PSMD6: variants seen among roughly 807,000 people sequenced by gnomAD.
The protein encoded by PSMD6 is 26S proteasome non-ATPase regulatory subunit 6.
Under a neutral mutation model 44.9 loss-of-function variants are expected in PSMD6, and 7 were observed. The observed-to-expected ratio is 0.16, with a 90% confidence interval of 0.09 to 0.29. The LOEUF (loss-of-function observed/expected upper bound fraction) is 0.29. Among genes scored for constraint, PSMD6 ranks in the 10% least tolerant of loss-of-function variants. The pLI is 1.00. For synonymous variants in PSMD6, 184 were observed against 172.7 expected, an observed-to-expected ratio of 1.07 and a Z score of -0.51; for missense variants, 420 against 482.6, an observed-to-expected ratio of 0.87 and a Z score of 1.21.
At chr3:64,023,042 T>G in intron 1 of PSMD6, 1 of 1,427,432 alleles carries the variant, frequency 7.0e-7, no homozygotes, top group Non-Finnish European at 9.1e-7. Context: ...TCCCCCAAGC[T>G]GCCCTTACAG....
chr3:64,015,234 G>C (rs1047298381), intron 5 of PSMD6: 1 of 152,226 alleles, frequency 6.6e-6, no homozygotes, highest in Admixed American at 6.5e-5. Flanking sequence ...AGTATAAATT[G>C]TGTAAATGTA....
chr3:64,023,664 G>C, upstream of PSMD6: 1 of 1,468,444 alleles, frequency 6.8e-7, no homozygotes, highest in Non-Finnish European at 9.0e-7. Context: ...CAGAGTGGGT[G>C]CAGCCCAACT....
At chr3:64,021,284 T>G (rs1325982657) in intron 2 of PSMD6, among the ~76,000 whole-genome samples, 1 of 152,266 alleles carries the variant, frequency 6.6e-6, no homozygotes, top group African/African-American at 2.4e-5. Flanking sequence ...AGTGGAACAT[T>G]AGGCAGCAGT....
chr3:64,023,860 CG>C (rs1559680851), upstream of PSMD6: 1 of 1,457,458 alleles, frequency 6.9e-7, no homozygotes, highest in East Asian at 2.5e-5. Context: ...CTTCATGCTG[CG>C]AGGTAGTACT....
chr3:64,012,682 C>T (rs1037236205), intron 6 of PSMD6: 1 of 152,270 alleles, frequency 6.6e-6, no homozygotes, highest in African/African-American at 2.4e-5. Context: ...TCTGTTCCTA[C>T]AACATCCAAG....
At chr3:64,023,504 GC>G, upstream of PSMD6, 1 of 1,440,092 alleles carries the variant, frequency 6.9e-7, no homozygotes, top group Admixed American at 2.7e-5. Context: ...CGGCGAATAC[GC>G]CCGGCCGCCT....
intron 1 of PSMD6, 51 bp downstream of exon 1, chr3:64,023,224 C>T: frequency 2.7e-6 from 4 of 1,495,146 alleles, no homozygotes; most frequent in Non-Finnish European, 3.6e-6. Context: ...CTCCGGAACG[C>T]GGGGACGGCC....
At chr3:64,023,019 T>C (rs1052224481) in intron 1 of PSMD6, 3 of 1,420,466 alleles carry the variant, frequency 2.1e-6, no homozygotes, top group South Asian at 1.5e-5. Flanking sequence ...TAAATATTAA[T>C]GCCTCACGAT....
intron 5 of PSMD6, 187 bp downstream of exon 5, chr3:64,018,412 C>G (rs2076081095): frequency 6.0e-6 from 3 of 501,496 alleles, no homozygotes; most frequent in African/African-American, 4.0e-5. Context: ...CTGGGCCATA[C>G]AGCAGGCCAC....
chr3:64,022,849 G>A, intron 1 of PSMD6: 2 of 1,531,452 alleles, frequency 1.3e-6, no homozygotes, highest in Middle Eastern at 1.7e-4. Context: ...ACATACATAT[G>A]TTCAAACATA....
chr3:64,017,382 C>G (rs1158157479), intron 5 of PSMD6: 4 of 151,856 alleles, frequency 2.6e-5, no homozygotes, highest in African/African-American at 7.3e-5. Context: ...CTGAGGGAAG[C>G]AAGGAAGGGC....
chr3:64,010,965 A>C lies in PSMD6; in HGVS notation c.996-10T>G. The C allele has an allele frequency of 6.4e-7, 1 of 1,574,772 alleles. No individual in the cohort carries two copies. The highest frequency in any genetic ancestry group is 8.6e-7 in the Non-Finnish European group (1 of 1,156,870). On this transcript the variant is annotated splice_polypyrimidine_tract_variant and intron_variant, in intron 6 of 7. Coordinates refer to ENST00000295901, the MANE Select transcript of PSMD6 (RefSeq NM_014814.3). The stretch of plus-strand genomic sequence containing the variant: ...AAACCTGGACAGTTCCCTAATTTAG[A>C]GACAAAAAATAACAGAATTAGCTTT...
At chr3:64,011,207 T>TACTC (rs2075939540) in intron 6 of PSMD6, 1 of 327,584 alleles carries the variant, frequency 3.1e-6, no homozygotes, top group Non-Finnish European at 5.5e-6. Context: ...AAACCATATG[T>TACTC]ACTCAGAGAA....
chr3:64,021,475 T>C (rs1394206771), intron 2 of PSMD6, among the ~76,000 whole-genome samples: 1 of 152,240 alleles, frequency 6.6e-6, no homozygotes, highest in Non-Finnish European at 1.5e-5. Flanking sequence ...GGTTCTTTCA[T>C]TGAGCATTTA....
intron 5 of PSMD6, chr3:64,015,473 C>T (rs755318217): frequency 6.6e-6 from 1 of 152,160 alleles, no homozygotes; most frequent in Non-Finnish European, 1.5e-5. Context: ...ACTAGGAAGT[C>T]CTTAAGAAAG....
At chr3:64,023,152 G>A in intron 1 of PSMD6, 123 bp downstream of exon 1, 1 of 1,427,256 alleles carries the variant, frequency 7.0e-7, no homozygotes, top group South Asian at 1.5e-5. Context: ...GGAGAAGCCA[G>A]GCCTGGTCTC....
intron 6 of PSMD6, 150 bp downstream of exon 6, chr3:64,013,289 C>T (rs989928887): frequency 9.4e-5 from 66 of 701,202 alleles, no homozygotes; most frequent in Admixed American, 5.5e-4. Flanking sequence ...CAACAGGATA[C>T]GAATGTTTTG....
intron 2 of PSMD6, among the ~76,000 whole-genome samples, chr3:64,021,510 C>T (rs1031713081): frequency 5.3e-5 from 8 of 152,074 alleles, no homozygotes; most frequent in South Asian, 2.1e-4. Flanking sequence ...TAAAATTTTA[C>T]GTAAAAAAGA....
intron 1 of PSMD6, chr3:64,022,732 T>C (rs1458040502): frequency 1.3e-6 from 2 of 1,536,610 alleles, no homozygotes; most frequent in East Asian, 2.4e-5. Context: ...ATCCTGGCAA[T>C]GCCAACCTCT....
Sources: allele counts gnomAD v4.1 joint callset (sites outside exome capture counted in the v4.1 genomes callset), GRCh38; gene constraint gnomAD v4.1.1; transcripts MANE v1.5; gene names NCBI Gene and HGNC (gene_info 2026-07-23, HGNC 2026-07-21).